Variants in EPN3 observed in about 807,000 individuals in gnomAD.
EPN3 encodes the protein epsin 3.
In EPN3, 56 loss-of-function variants were observed where a neutral mutation model predicts 55.5. The ratio of observed to expected loss-of-function variants is 1.01; its 90% CI spans 0.81 to 1.26. The LOEUF is 1.26. EPN3 is among the 50% of genes most tolerant of loss of function. The pLI, the probability that EPN3 is intolerant of heterozygous loss-of-function variation, is 0.00. For missense variants in EPN3, 927 were observed against 853.4 expected (o/e 1.09, Z -1.07); for synonymous variants, 449 against 375.2 (o/e 1.20, Z -2.27).
At position 50,536,658 on chromosome 17, in the gene EPN3, C is replaced by T. The variant is rs777533684; in HGVS notation, c.102C>T (p.Gly34=). Residue 34 remains glycine (G), a synonymous_variant, in exon 2 of 10, where the codon GGC becomes GGT. Transcript: ENST00000268933. ...VREATSNDPW[G]PPSSLMSEIA... The stretch of plus-strand genomic sequence containing the variant: ...AGGCCACCAGCAATGACCCCTGGGG[C>T]CCCCCTAGTTCGCTCATGTCCGAGA... 3 of 1,613,998 alleles carry T rather than the reference C, an allele frequency of 1.9e-6. No homozygotes were observed. The highest frequency in any genetic ancestry group is 2.2e-5 in the South Asian group (2 of 91,078).
intron 6 of EPN3, 132 bp from the exon 7 acceptor site, chr17:50,540,661 G>C: frequency 8.1e-7 from 1 of 1,231,736 alleles, no homozygotes; most frequent in Non-Finnish European, 1.1e-6. Context: ...CAGCCTGCTG[G>C]GTGGTCCTGA....
Position 50,541,283 on chromosome 17 carries a change from A to C in EPN3, c.1304A>C (p.Lys435Thr). 6.2e-7 allele frequency: 1 copy of C among 1,613,308 alleles called. No individual in the cohort carries two copies. Among genetic ancestry groups the C allele is most frequent in the Non-Finnish European group, 8.5e-7 (1 of 1,179,960 alleles). ...AAACCTCCAGAATCCACAGAGACCA[A>C]GGAGGGGCTGGAGCAGGCCCTGCCC... ...FAKPPESTET[K>T]EGLEQALPSG... is the part of the protein sequence containing the mutation. Residue 435 changes from lysine (K) to threonine (T), a missense_variant, in exon 8 of 10, where the codon AAG (lysine) becomes ACG (threonine). Coordinates refer to ENST00000268933, the MANE Select transcript of EPN3 (RefSeq NM_017957.3).
intron 6 of EPN3, 22 bp downstream of exon 6, chr17:50,540,356 A>G: frequency 6.3e-7 from 1 of 1,599,390 alleles, no homozygotes; most frequent in Non-Finnish European, 8.5e-7. Context: ...GGGCTGCAAG[A>G]GACTTCCAGG....
At position 50,541,332 on chromosome 17, in the gene EPN3, G is replaced by C; in HGVS notation, c.1353G>C (p.Val451=). 2 of 1,611,664 alleles carry C rather than the reference G, an allele frequency of 1.2e-6. No individual in the cohort carries two copies. The highest frequency in any genetic ancestry group is 1.7e-6 in the Non-Finnish European group (2 of 1,179,824). Reference sequence around the variant, plus strand: ...CCTCTGGGAAGCCCAGCAGCCCTGTGGGTGAGCAGGGCAAGGGGATGGTGA... The same window carrying C: ...CCTCTGGGAAGCCCAGCAGCCCTGTCGGTGAGCAGGGCAAGGGGATGGTGA... ...ALPSGKPSSP[V]ELDLFGDPSP... Residue 451 remains valine (V), a splice_region_variant and synonymous_variant, in exon 8 of 10, where the codon GTG becomes GTC. Coordinates refer to ENST00000268933, the MANE Select transcript of EPN3 (RefSeq NM_017957.3).
In EPN3 at chr17:50,542,747, G is replaced by A. The variant is rs1376086377; in HGVS notation, c.*590G>A. ...ATTGTTAATTCCGTTCAGGATCCCG[G>A]CTACATAATCTGTGGGGCTCAATAC... On this transcript the variant is annotated 3_prime_UTR_variant, in exon 10 of 10. Transcript: ENST00000268933. The A allele has an allele frequency of 6.6e-6, 1 of 152,302 alleles. No homozygotes were observed. Among genetic ancestry groups the A allele is most frequent in the Non-Finnish European group, 1.5e-5 (1 of 68,158 alleles). The allele number at this position is 152,302 out of a possible 1,614,324, so 9.4% of individuals were successfully genotyped here.
intron 1 of EPN3, 72 bp from the exon 2 acceptor site, chr17:50,536,349 T>G: frequency 6.2e-6 from 8 of 1,287,626 alleles, no homozygotes; most frequent in Non-Finnish European, 7.2e-6. Flanking sequence ...CAGGCCTCAT[T>G]TAGTTGGTCA....
intron 5 of EPN3, 153 bp from the exon 6 acceptor site, chr17:50,540,094 A>T: frequency 1.9e-6 from 1 of 524,382 alleles, no homozygotes; most frequent in Non-Finnish European, 3.3e-6. Flanking sequence ...AAACATTATA[A>T]ACTGTAAAGC....
At position 50,532,977 on chromosome 17, in the gene EPN3, G is replaced by T. The variant is rs749594071; in HGVS notation, c.-145G>T. Reference sequence around the variant, plus strand: ...GCTGGGGCTGGGGCCGAGGGAGCCCGCACTGGAGGTAAGCTTCCTCCCTGG... The same window carrying T: ...GCTGGGGCTGGGGCCGAGGGAGCCCTCACTGGAGGTAAGCTTCCTCCCTGG... On this transcript the variant is annotated 5_prime_UTR_variant, in exon 1 of 10. Transcript: ENST00000268933. 3.9e-6 allele frequency: 5 copies of T among 1,284,666 alleles called. No individual in the cohort carries two copies. The highest frequency in any genetic ancestry group is 5.1e-6 in the Non-Finnish European group (5 of 986,692). 79.6% of individuals were successfully genotyped at this position (1,284,666 alleles called of 1,614,324 possible). A position where few individuals can be genotyped will look rare whatever the true frequency, so the allele number is the denominator to read the frequency against.
At position 50,542,321 on chromosome 17, in the gene EPN3, G is replaced by T; in HGVS notation, c.*164G>T. On this transcript the variant is annotated 3_prime_UTR_variant, in exon 10 of 10. Transcript: ENST00000268933. ...GCTGGACGCGGACCACGGCCCGGGA[G>T]CTAGAAACTGAACGCCCGCATAATA... The T allele has an allele frequency of 1.5e-6, 1 of 668,976 alleles. No individual in the cohort carries two copies. Among genetic ancestry groups the T allele is most frequent in the Non-Finnish European group, 2.2e-6 (1 of 448,476 alleles). The allele number at this position is 668,976 out of a possible 1,614,324, so 41.4% of individuals were successfully genotyped here. A position where few individuals can be genotyped will look rare whatever the true frequency, so the allele number is the denominator to read the frequency against.
chr17:50,541,078 G>C lies in EPN3; in HGVS notation c.1249+16G>C. On this transcript the variant is annotated intron_variant, in intron 7 of 9. Coordinates refer to ENST00000268933, the MANE Select transcript of EPN3 (RefSeq NM_017957.3). ...GACACACCTGGTAAGAAGAGGGCCAGAGAGTGTGAGTGAGGAGCTGGGGGA... is the reference window on the plus strand; with the variant it reads ...GACACACCTGGTAAGAAGAGGGCCACAGAGTGTGAGTGAGGAGCTGGGGGA... 1 of 1,571,144 alleles carries C rather than the reference G, an allele frequency of 6.4e-7. No individual in the cohort carries two copies. Among genetic ancestry groups the C allele is most frequent in the Non-Finnish European group, 8.6e-7 (1 of 1,160,452 alleles).
chr17:50,536,323 G>A (rs1399762859), intron 1 of EPN3, 98 bp from the exon 2 acceptor site: 1 of 979,920 alleles, frequency 1.0e-6, no homozygotes, highest in South Asian at 1.9e-5. Flanking sequence ...GTCCCTGGAG[G>A]CAGGGACACT....
chr17:50,536,285 G>A, intron 1 of EPN3, 136 bp from the exon 2 acceptor site: 1 of 591,622 alleles, frequency 1.7e-6, no homozygotes, highest in East Asian at 3.4e-5. Context: ...AATTGTAAGT[G>A]AAATAAGAAC....
At chr17:50,539,637 TC>T in intron 5 of EPN3, among the ~76,000 whole-genome samples, 1 of 152,316 alleles carries the variant, frequency 6.6e-6, no homozygotes, top group Non-Finnish European at 1.5e-5. Context: ...ATTGGATAGT[TC>T]CAGCTCTGAC....
intron 2 of EPN3, chr17:50,537,640 G>A (rs2034784363): frequency 5.4e-6 from 1 of 185,580 alleles, no homozygotes; most frequent in South Asian, 1.4e-4. Flanking sequence ...GGGGCTTCCA[G>A]GATCTGAGGA....
Position 50,543,668 on chromosome 17 carries a change from C to T in EPN3, c.*1511C>T, listed in dbSNP as rs1174416261. 6.6e-6 allele frequency: 1 copy of T among 152,228 alleles called. No homozygotes were observed. 9.4% of individuals were successfully genotyped at this position (152,228 alleles called of 1,614,324 possible). On this transcript the variant is annotated 3_prime_UTR_variant, in exon 10 of 10. Transcript: ENST00000268933. ...CAGACTTACAGGGTTCAAAGTTCTG[C>T]TCCAAGGTTTGACCCTAACAAGAAT...
chr17:50,538,935 C>G lies in EPN3; in HGVS notation c.733C>G (p.Leu245Val). 11 of 1,608,544 alleles carry G rather than the reference C, an allele frequency of 6.8e-6. No individual in the cohort carries two copies. The highest frequency in any genetic ancestry group is 9.3e-6 in the Non-Finnish European group (11 of 1,176,620). Residue 245 changes from leucine (L) to valine (V), a missense_variant, in exon 4 of 10, where the codon CTG becomes GTG. By Grantham distance (32) the Leu-to-Val change is conservative (BLOSUM62 1). Coordinates refer to ENST00000268933, the MANE Select transcript of EPN3 (RefSeq NM_017957.3). ...CGAGGACCTGCAGCTGCAGCTGGCT[C>G]TGCGCCTGAGCCGGCAGGAGCACGA... ...RDEDLQLQLA[L>V]RLSRQEHEKE...
chr17:50,537,131 C>A lies in EPN3; in HGVS notation c.562+13C>A. 1.9e-6 allele frequency: 3 copies of A among 1,569,526 alleles called. No individual in the cohort carries two copies. Among genetic ancestry groups the A allele is most frequent in the African/African-American group, 2.7e-5 (2 of 74,220 alleles). ...TCCTCCTACAACTGTGAGTAAGCCC[C>A]GGTGTGTGGCTGGGATGGGGAGGTG... On this transcript the variant is annotated intron_variant, in intron 2 of 9. Transcript: ENST00000268933.
Position 50,538,182 on chromosome 17 carries a change from T to C in EPN3, c.666T>C (p.Arg222=). Residue 222 remains arginine, a synonymous_variant, in exon 3 of 10, where the codon CGT becomes CGC. Coordinates refer to ENST00000268933, the MANE Select transcript of EPN3 (RefSeq NM_017957.3). ...TGCAGCTGGCCCTCGCCATGAGCCG[T>C]GAGGAGGCAGAGAAGGTGAGGCCAT... ...LQLQLALAMS[R]EEAEKPVPPA... 6.2e-7 allele frequency: 1 copy of C among 1,609,636 alleles called. No individual in the cohort carries two copies. Among genetic ancestry groups the C allele is most frequent in the Non-Finnish European group, 8.5e-7 (1 of 1,179,204 alleles).
chr17:50,534,975 G>A (rs2144026339), intron 1 of EPN3, among the ~76,000 whole-genome samples: 1 of 152,306 alleles, frequency 6.6e-6, no homozygotes, highest in South Asian at 2.1e-4. Context: ...GTGTGTGTGT[G>A]CATGCACACA....
Sources: allele counts gnomAD v4.1 joint callset (sites outside exome capture counted in the v4.1 genomes callset), GRCh38; gene constraint gnomAD v4.1.1; transcripts MANE v1.5; gene names NCBI Gene and HGNC (gene_info 2026-07-23, HGNC 2026-07-21).